Variants in NFASC observed in about 807,000 individuals in gnomAD.
The protein encoded by NFASC is neurofascin, also known as neurofascin homolog.
In NFASC, 43 loss-of-function variants were observed where a neutral mutation model predicts 147.5. The ratio of observed to expected loss-of-function variants is 0.29; its 90% CI spans 0.23 to 0.38. NFASC has a LOEUF of 0.38. Among genes scored for constraint, NFASC ranks in the 10% least tolerant of loss-of-function variants. The pLI, the probability that NFASC is intolerant of heterozygous loss-of-function variation, is 1.00. For synonymous variants in NFASC, 622 were observed against 665.5 expected (o/e 0.93, Z 1.01); for missense variants, 1,320 against 1,689.0 (o/e 0.78, Z 3.83).
Position 204,981,942 on chromosome 1 carries a change from G to A in NFASC, c.2392G>A (p.Glu798Lys). The A allele has an allele frequency of 6.2e-7, 1 of 1,608,546 alleles. No individual in the cohort carries two copies. Among genetic ancestry groups the A allele is most frequent in the Non-Finnish European group, 8.5e-7 (1 of 1,177,566 alleles). Reference protein sequence around the residue: ...VGQTPVYVPYEIRVQAENDFG... With the variant: ...VGQTPVYVPYKIRVQAENDFG... ...GCAGACCCCAGTCTACGTGCCCTAT[G>A]AGATCCGAGTCCAGGCTGAAAATGA... Residue 798 changes from glutamate to lysine, a missense_variant, in exon 21 of 30, where the codon GAG becomes AAG. This residue lies in a region of NFASC where 981 missense variants were observed against 1,289.5 expected (regional missense o/e 0.76). Coordinates refer to ENST00000339876, the MANE Select transcript of NFASC (RefSeq NM_001005388.3).
intron 12 of NFASC, among the ~76,000 whole-genome samples, chr1:204,973,972 G>A (rs1430030147): frequency 1.3e-5 from 2 of 152,152 alleles, no homozygotes; most frequent in African/African-American, 4.8e-5. Flanking sequence ...TTTGGATGTA[G>A]GGTAGGTTGA....
intron 2 of NFASC, among the ~76,000 whole-genome samples, chr1:204,937,764 A>G (rs112470159): frequency 5.3e-5 from 8 of 152,324 alleles, no homozygotes; most frequent in African/African-American, 1.9e-4. Flanking sequence ...ATCCACGTGC[A>G]GGTCGGTTGT....
chr1:204,840,470 A>G (rs980753171), intron 1 of NFASC, among the ~76,000 whole-genome samples: 12 of 152,220 alleles, frequency 7.9e-5, no homozygotes, highest in Non-Finnish European at 1.6e-4. Context: ...TCTTTACAAC[A>G]AGAGACTATA....
intron 1 of NFASC, among the ~76,000 whole-genome samples, chr1:204,873,049 A>T (rs554853936): frequency 1.3e-5 from 2 of 152,230 alleles, no homozygotes; most frequent in East Asian, 1.9e-4. Context: ...CTCTCAGTAG[A>T]AGACAATAAA....
intron 1 of NFASC, among the ~76,000 whole-genome samples, chr1:204,851,285 C>A (rs563695833): frequency 6.6e-6 from 1 of 151,364 alleles, no homozygotes; most frequent in Non-Finnish European, 1.5e-5. Flanking sequence ...ACCCCCAAGA[C>A]TGATATAACA....
At chr1:204,978,153 C>T (rs1043840098) in intron 17 of NFASC, among the ~76,000 whole-genome samples, 7 of 152,198 alleles carry the variant, frequency 4.6e-5, no homozygotes, top group African/African-American at 1.2e-4. Flanking sequence ...CATACGTGAA[C>T]GTGGGCCTGT....
At chr1:204,877,039 A>ATATAATATATATT (rs2079081777) in intron 1 of NFASC, among the ~76,000 whole-genome samples, 6 of 100,516 alleles carry the variant, frequency 6.0e-5, no homozygotes, top group Admixed American at 4.9e-4. Flanking sequence ...ATATATATTT[A>ATATAATATATATT]TATATATATA....
intron 1 of NFASC, among the ~76,000 whole-genome samples, chr1:204,903,442 A>G (rs2085097372): frequency 6.6e-6 from 1 of 152,196 alleles, no homozygotes; most frequent in Non-Finnish European, 1.5e-5. Context: ...TAGGGAAACA[A>G]AGCACTGCCT....
At chr1:204,945,905 C>T (rs2093695156) in intron 3 of NFASC, among the ~76,000 whole-genome samples, 1 of 152,072 alleles carries the variant, frequency 6.6e-6, no homozygotes, top group African/African-American at 2.4e-5. Context: ...TGCCACTTCT[C>T]CTCTCTCACT....
chr1:204,941,223 A>T (rs1021842057), intron 2 of NFASC, among the ~76,000 whole-genome samples: 2 of 152,192 alleles, frequency 1.3e-5, no homozygotes, highest in African/African-American at 4.8e-5. Context: ...AGGGGATTGG[A>T]TGAATCTAGT....
chr1:204,845,845 C>T (rs568348111), intron 1 of NFASC, among the ~76,000 whole-genome samples: 50 of 149,992 alleles, frequency 3.3e-4, no homozygotes, highest in African/African-American at 8.6e-4. Context: ...CAGGTCACAG[C>T]GAGCTATGAT....
intron 28 of NFASC, 127 bp from the exon 29 acceptor site, chr1:205,012,670 C>T: frequency 1.3e-6 from 1 of 758,426 alleles, no homozygotes; most frequent in Non-Finnish European, 2.4e-6. Context: ...TGGATGGTGC[C>T]TTGTTAAAAA....
intron 1 of NFASC, among the ~76,000 whole-genome samples, chr1:204,899,711 C>G (rs1250831810): frequency 1.3e-5 from 2 of 152,168 alleles, no homozygotes; most frequent in Non-Finnish European, 2.9e-5. Context: ...TTAGGAGGTG[C>G]TTGCTTTTGT....
In NFASC at chr1:204,942,316, G is replaced by A. The variant is rs537242662; in HGVS notation, c.-90-1910G>A. Among the ~76,000 whole-genome samples, 70 of 152,314 alleles carry A rather than the reference G, an allele frequency of 4.6e-4. 1 individual carries two copies. Among genetic ancestry groups the A allele is most frequent in the Non-Finnish European group, 7.6e-4 (52 of 68,038 alleles). On this transcript the variant is annotated intron_variant, in intron 2 of 29. Coordinates refer to ENST00000339876, the MANE Select transcript of NFASC (RefSeq NM_001005388.3). ...TAGACCAGAGCTTAATGGTGCAAAA[G>A]TCAGTAAGCAAGACCAAGCATGATG... is the stretch of plus-strand genomic sequence containing the variant.
At chr1:204,982,966 G>A (rs933453507) in intron 21 of NFASC, among the ~76,000 whole-genome samples, 1 of 152,214 alleles carries the variant, frequency 6.6e-6, no homozygotes, top group Admixed American at 6.5e-5. Flanking sequence ...GGTGATTATG[G>A]ATTGGACTCA....
At chr1:204,877,023 TA>T (rs1337175769) in intron 1 of NFASC, among the ~76,000 whole-genome samples, 2 of 101,654 alleles carry the variant, frequency 2.0e-5, no homozygotes, top group African/African-American at 1.1e-4. Context: ...TATATATATA[TA>T]TATAATATAT....
intron 1 of NFASC, among the ~76,000 whole-genome samples, chr1:204,841,033 G>T (rs750087): frequency 6.6e-6 from 1 of 152,086 alleles, no homozygotes; most frequent in African/African-American, 2.4e-5. Flanking sequence ...AAGTGGCAGG[G>T]CTAAGCTATA....
chr1:204,859,843 A>G (rs2076508615), intron 1 of NFASC, among the ~76,000 whole-genome samples: 1 of 152,186 alleles, frequency 6.6e-6, no homozygotes, highest in Non-Finnish European at 1.5e-5. Flanking sequence ...ATCCTCATGC[A>G]CAAAGATTAG....
chr1:204,983,234 A>G (rs879496077), intron 21 of NFASC, among the ~76,000 whole-genome samples: 3 of 152,196 alleles, frequency 2.0e-5, no homozygotes, highest in Admixed American at 1.3e-4. Flanking sequence ...AGGGACAAGA[A>G]TCAGTTATGG....
Sources: allele counts gnomAD v4.1 joint callset (sites outside exome capture counted in the v4.1 genomes callset), GRCh38; gene constraint gnomAD v4.1.1; regional missense constraint gnomAD v4.1.1; transcripts MANE v1.5; gene names NCBI Gene and HGNC (gene_info 2026-07-23, HGNC 2026-07-21).